The following HTRA1 variants were observed in gnomAD, a reference collection of about 807,000 sequenced individuals.
HTRA1 encodes HtrA serine peptidase 1.
A neutral mutation model predicts 49.7 loss-of-function variants in HTRA1; 26 were observed. That is an observed-to-expected ratio of 0.52 (90% CI 0.38 to 0.73). HTRA1 has a LOEUF of 0.73. Among genes scored for constraint, HTRA1 ranks in the 30% least tolerant of loss-of-function variants. The pLI, the probability that HTRA1 is intolerant of heterozygous loss-of-function variation, is 0.00. For missense variants in HTRA1, 561 were observed against 667.2 expected, an observed-to-expected ratio of 0.84 and a Z score of 1.75; for synonymous variants, 291 against 286.9, an observed-to-expected ratio of 1.01 and a Z score of -0.14.
At chr10:122,514,027 C>T (rs566496183) in intron 8 of HTRA1, among the ~76,000 whole-genome samples, 164 bp from the exon 9 acceptor site, 141 of 152,168 alleles carry the variant, frequency 9.3e-4, no homozygotes, top group Non-Finnish European at 1.5e-3. Context: ...GCATGAGCCA[C>T]CGTGCCTGAC....
At position 122,490,074 on chromosome 10, in the gene HTRA1, A is replaced by G. The variant is rs1331574474; in HGVS notation, c.777+448A>G. Among the ~76,000 whole-genome samples the G allele has an allele frequency of 1.7e-4, 26 of 152,154 alleles. 1 individual carries two copies. Among genetic ancestry groups the G allele is most frequent in the Admixed American group, 1.4e-3 (22 of 15,286 alleles). ...TCAACAGTTACTTTGAAAACAAACC[A>G]GCTCTCCCAAATTGGGGTTTTGCGG... On this transcript the variant is annotated intron_variant, in intron 3 of 8. Transcript: ENST00000368984. The surrounding 1 kb of genome is among the most constrained non-coding windows in gnomAD (Gnocchi z 4.2).
rs749893529 is a variant in HTRA1, at chr10:122,489,520, A to C, written c.671A>C (p.Asn224Thr). The C allele has an allele frequency of 1.9e-6, 3 of 1,614,210 alleles. No individual in the cohort carries two copies. The highest frequency in any genetic ancestry group is 2.5e-6 in the Non-Finnish European group (3 of 1,180,034). ...GTGACAAATGCCCACGTGGTGACCA[A>C]CAAGCACCGGGTCAAAGTTGAGCTG... ...LIVTNAHVVT[N>T]KHRVKVELKN... Residue 224 changes from asparagine to threonine, a missense_variant, in exon 3 of 9, where the codon AAC (asparagine) becomes ACC (threonine). This residue lies in a region of HTRA1 where 271 missense variants were observed against 410.0 expected (regional missense o/e 0.66). Transcript: ENST00000368984.
chr10:122,480,243 TG>T (rs2097490401), intron 1 of HTRA1, among the ~76,000 whole-genome samples: 1 of 151,928 alleles, frequency 6.6e-6, no homozygotes, highest in African/African-American at 2.4e-5. Flanking sequence ...TTAGTGTGGC[TG>T]GCCCCACGGG....
At chr10:122,510,982 T>C (rs953085156) in intron 7 of HTRA1, among the ~76,000 whole-genome samples, 3 of 152,310 alleles carry the variant, frequency 2.0e-5, no homozygotes, top group Non-Finnish European at 2.9e-5. Context: ...CTACGAGGTG[T>C]AGGGAAAGAT....
rs1003685378 is a variant in HTRA1 at position 122,488,889 on chromosome 10, C to T, written c.473-13C>T. 1.2e-6 allele frequency: 2 copies of T among 1,608,072 alleles called. No individual in the cohort carries two copies. The highest frequency in any genetic ancestry group is 2.7e-5 in the African/African-American group (2 of 74,810). The stretch of plus-strand genomic sequence containing the variant: ...AGTGTCATTAAGTATCTATTCTTTG[C>T]TTTTGTTCTCAGGGCAGGAAGATCC... On this transcript the variant is annotated splice_polypyrimidine_tract_variant and intron_variant, in intron 1 of 8. Coordinates refer to ENST00000368984, the MANE Select transcript of HTRA1 (RefSeq NM_002775.5).
intron 6 of HTRA1, among the ~76,000 whole-genome samples, chr10:122,509,696 G>T (rs1383155264): frequency 6.6e-6 from 1 of 152,218 alleles, no homozygotes; most frequent in Non-Finnish European, 1.5e-5. Flanking sequence ...TCTGCTGGAG[G>T]GGTTGCTGGA....
At chr10:122,483,737 G>A (rs939283542) in intron 1 of HTRA1, among the ~76,000 whole-genome samples, 2 of 152,080 alleles carry the variant, frequency 1.3e-5, no homozygotes, top group Non-Finnish European at 2.9e-5. Context: ...ATTTATTTAG[G>A]TCTTCTTTAT....
chr10:122,479,056 G>A (rs2097489851), intron 1 of HTRA1, among the ~76,000 whole-genome samples: 1 of 152,232 alleles, frequency 6.6e-6, no homozygotes, highest in Admixed American at 6.5e-5. Context: ...TTGGGAACAT[G>A]CTGTTTCCTG....
At chr10:122,484,581 C>A (rs1468893544) in intron 1 of HTRA1, among the ~76,000 whole-genome samples, 2 of 152,186 alleles carry the variant, frequency 1.3e-5, no homozygotes, top group Non-Finnish European at 2.9e-5. Context: ...TGTGGCCAGT[C>A]CTTTGGATTT....
intron 8 of HTRA1, 126 bp downstream of exon 8, chr10:122,512,191 G>A: frequency 7.6e-6 from 6 of 794,506 alleles, no homozygotes; most frequent in East Asian, 2.6e-5. Context: ...AGACGTGGTC[G>A]GACGTTGCTT....
chr10:122,480,844 G>A (rs917365827), intron 1 of HTRA1, among the ~76,000 whole-genome samples: 2 of 152,038 alleles, frequency 1.3e-5, no homozygotes, highest in African/African-American at 2.4e-5. Flanking sequence ...ATAACATTAG[G>A]TATGAAACTA....
intron 3 of HTRA1, among the ~76,000 whole-genome samples, chr10:122,503,189 G>A (rs962980634): frequency 2.6e-5 from 4 of 152,220 alleles, no homozygotes; most frequent in Non-Finnish European, 5.9e-5. Flanking sequence ...TGGGCCCCGC[G>A]GGGCTTCACG....
At chr10:122,477,829 G>A (rs1231501780) in intron 1 of HTRA1, among the ~76,000 whole-genome samples, 1 of 152,196 alleles carries the variant, frequency 6.6e-6, no homozygotes, top group African/African-American at 2.4e-5. Context: ...GCTATCCATT[G>A]GCCTTAATTT....
Position 122,490,784 on chromosome 10 carries a change from G to A in HTRA1, c.777+1158G>A, listed in dbSNP as rs2097495430. Reference sequence around the variant, plus strand: ...CCTCCTTCTGGAAACAACTCTGCGTGTGCTGTTTGGGTGGTAGGATTCCGG... The same window carrying A: ...CCTCCTTCTGGAAACAACTCTGCGTATGCTGTTTGGGTGGTAGGATTCCGG... On this transcript the variant is annotated intron_variant, in intron 3 of 8. Coordinates refer to ENST00000368984, the MANE Select transcript of HTRA1 (RefSeq NM_002775.5). The surrounding 1 kb of genome is among the most constrained non-coding windows in gnomAD (Gnocchi z 4.2). Among the ~76,000 whole-genome samples the A allele has an allele frequency of 6.6e-6, 1 of 152,236 alleles. No individual in the cohort carries two copies. The highest frequency in any genetic ancestry group is 2.4e-5 in the African/African-American group (1 of 41,456).
At chr10:122,480,063 C>T (rs1219809980) in intron 1 of HTRA1, among the ~76,000 whole-genome samples, 1 of 152,136 alleles carries the variant, frequency 6.6e-6, no homozygotes, top group African/African-American at 2.4e-5. Context: ...GCTTTATGTG[C>T]AATCTCACCT....
chr10:122,507,699 G>T (rs2097503753), intron 5 of HTRA1, among the ~76,000 whole-genome samples: 1 of 152,094 alleles, frequency 6.6e-6, no homozygotes, highest in East Asian at 1.9e-4. Context: ...GAAATTCAGG[G>T]CCAATGCAGG....
chr10:122,462,039 G>C lies in HTRA1; in HGVS notation c.387G>C (p.Leu129=), dbSNP rs1361479569. The C allele has an allele frequency of 1.3e-6, 2 of 1,533,496 alleles. No individual in the cohort carries two copies. The highest frequency in any genetic ancestry group is 2.0e-5 in the Admixed American group (1 of 51,082). 95.0% of individuals were successfully genotyped at this position (1,533,496 alleles called of 1,614,324 possible). ...CGSDANTYAN[L]CQLRAASRRS... is the part of the protein sequence containing the mutation. ...GCGACGCCAACACCTACGCCAACCT[G>C]TGCCAGCTGCGCGCCGCCAGCCGCC... Residue 129 remains leucine, a synonymous_variant, in exon 1 of 9, where the codon CTG becomes CTC. Transcript: ENST00000368984.
chr10:122,505,764 G>T (rs894249569), intron 3 of HTRA1, among the ~76,000 whole-genome samples: 4 of 152,344 alleles, frequency 2.6e-5, no homozygotes, highest in African/African-American at 7.2e-5. Flanking sequence ...CAGGGCAGCT[G>T]CTCGTTCTAA....
chr10:122,507,390 G>C lies in HTRA1; in HGVS notation c.993G>C (p.Pro331=). Residue 331 remains proline (P), a synonymous_variant, in exon 5 of 9, where the codon CCG becomes CCC. Coordinates refer to ENST00000368984, the MANE Select transcript of HTRA1 (RefSeq NM_002775.5). ...AIINYGNSGG[P]LVNLDGEVIG... The stretch of plus-strand genomic sequence containing the variant: ...TGCAGTATGGAAACTCGGGAGGCCC[G>C]TTAGTAAACCTGGTAAGGTCTTTTA... 1.2e-6 allele frequency: 2 copies of C among 1,610,634 alleles called. No homozygotes were observed.
Sources: gnomAD v4.1 joint callset for allele counts (sites outside exome capture counted in the v4.1 genomes callset) on GRCh38, gnomAD v4.1.1 for gene constraint, gnomAD v4.1.1 regional missense constraint, Gnocchi (gnomAD v3.1) non-coding constraint, MANE v1.5 for transcripts, NCBI Gene and HGNC (gene_info 2026-07-23, HGNC 2026-07-21) for gene names.